The following LINGO2 variants were observed in gnomAD, a reference collection of about 807,000 sequenced individuals.
The protein encoded by LINGO2 is leucine rich repeat and Ig domain containing 2.
LINGO2 carries 14 observed loss-of-function variants against 30.6 expected under a neutral mutation model. That is an observed-to-expected ratio of 0.46 (90% CI 0.30 to 0.72). The LOEUF (loss-of-function observed/expected upper bound fraction) is 0.72, where lower values mean the gene tolerates loss of function less well. Ranked by LOEUF, LINGO2 falls within the 30% of genes least tolerant of loss-of-function variation. The pLI is 0.07. For missense variants in LINGO2, 729 were observed against 751.7 expected, an observed-to-expected ratio of 0.97 and a Z score of 0.35; for synonymous variants, 317 against 288.5, an observed-to-expected ratio of 1.10 and a Z score of -1.00.
the LINGO2 span, among the ~76,000 whole-genome samples, chr9:29,050,315 C>T: frequency 1.8e-4 from 27 of 151,030 alleles, no homozygotes; most frequent in South Asian, 5.3e-3. Context: ...GTAGCCACCA[C>T]GCCCAGCCTT....
intron 4 of LINGO2, among the ~76,000 whole-genome samples, chr9:28,178,885 T>C (rs757301372): frequency 1.2e-4 from 18 of 152,146 alleles, no homozygotes; most frequent in Non-Finnish European, 2.2e-4. Context: ...AGCTTCTTTC[T>C]AAGTGGGAAA....
intron 4 of LINGO2, among the ~76,000 whole-genome samples, chr9:28,023,355 A>G (rs1823226780): frequency 6.6e-6 from 1 of 152,190 alleles, no homozygotes; most frequent in Admixed American, 6.5e-5. Context: ...TGGGTACCCT[A>G]ATAGAGGAAT....
At chr9:28,278,773 C>A (rs1201541509) in intron 4 of LINGO2, among the ~76,000 whole-genome samples, 2 of 152,128 alleles carry the variant, frequency 1.3e-5, no homozygotes, top group Non-Finnish European at 2.9e-5. Flanking sequence ...CATTCTGCAG[C>A]CCATGAATCA....
chr9:28,092,575 A>T (rs985235389), intron 4 of LINGO2, among the ~76,000 whole-genome samples: 1 of 151,474 alleles, frequency 6.6e-6, no homozygotes, highest in African/African-American at 2.4e-5. Context: ...GAGGGATAGC[A>T]TTAAGAGATA....
the LINGO2 span, among the ~76,000 whole-genome samples, chr9:29,161,737 T>C: frequency 1.3e-5 from 2 of 152,132 alleles, no homozygotes; most frequent in African/African-American, 2.4e-5. Flanking sequence ...ATACTAATCA[T>C]AGAAAACTAG....
the LINGO2 span, among the ~76,000 whole-genome samples, chr9:28,952,126 C>T: frequency 1.6e-4 from 24 of 152,070 alleles, no homozygotes; most frequent in African/African-American, 4.3e-4. Flanking sequence ...TGGAGACCCA[C>T]AACAGTAGGT....
chr9:29,085,281 TA>T, the LINGO2 span, among the ~76,000 whole-genome samples: 373 of 76,816 alleles, frequency 4.9e-3, 2 homozygotes, highest in African/African-American at 0.016. Flanking sequence ...CTATGGTAAG[TA>T]AAAAAAAAAA....
the LINGO2 span, among the ~76,000 whole-genome samples, chr9:29,069,210 C>G: frequency 6.6e-6 from 1 of 151,854 alleles, no homozygotes; most frequent in South Asian, 2.1e-4. Context: ...CTCCAGAAGA[C>G]AGAACTAATA....
intron 5 of LINGO2, among the ~76,000 whole-genome samples, chr9:27,995,617 A>C (rs1438144318): frequency 6.6e-6 from 1 of 152,216 alleles, no homozygotes; most frequent in Non-Finnish European, 1.5e-5. Flanking sequence ...TGATTATTTG[A>C]TGATCTCAAT....
At chr9:28,197,937 T>G (rs1054305094) in intron 4 of LINGO2, among the ~76,000 whole-genome samples, 8 of 152,030 alleles carry the variant, frequency 5.3e-5, no homozygotes, top group Admixed American at 6.5e-5. Flanking sequence ...AGTGCCATTT[T>G]TTTGACACAC....
intron 1 of LINGO2, among the ~76,000 whole-genome samples, chr9:28,637,732 G>A (rs891759899): frequency 6.6e-6 from 1 of 152,098 alleles, no homozygotes; most frequent in Non-Finnish European, 1.5e-5. Context: ...CTGAGACAAT[G>A]GGGTTTTCTA....
At chr9:28,201,233 C>A (rs1333698188) in intron 4 of LINGO2, among the ~76,000 whole-genome samples, 4 of 145,354 alleles carry the variant, frequency 2.8e-5, no homozygotes, top group African/African-American at 7.7e-5. Context: ...CCCCCTCCCC[C>A]CAACCCCACC....
the LINGO2 span, among the ~76,000 whole-genome samples, chr9:28,944,011 C>T: frequency 1.3e-5 from 2 of 152,296 alleles, no homozygotes; most frequent in Middle Eastern, 6.8e-3. Context: ...ACAGCAATAA[C>T]TAAACAAGTA....
At chr9:28,550,956 G>A (rs1822248696) in intron 1 of LINGO2, among the ~76,000 whole-genome samples, 1 of 151,740 alleles carries the variant, frequency 6.6e-6, no homozygotes, top group African/African-American at 2.4e-5. Context: ...AGTTACTTAT[G>A]AGAGAAAGAA....
the LINGO2 span, among the ~76,000 whole-genome samples, chr9:28,783,584 C>T: frequency 6.6e-6 from 1 of 152,140 alleles, no homozygotes; most frequent in Non-Finnish European, 1.5e-5. Context: ...ACACAAACCC[C>T]AGTGCCAATA....
At chr9:29,125,019 A>C in the LINGO2 span, among the ~76,000 whole-genome samples, 1 of 152,180 alleles carries the variant, frequency 6.6e-6, no homozygotes, top group Admixed American at 6.5e-5. Flanking sequence ...CCAAATATCC[A>C]TCAATGATAG....
chr9:28,756,405 C>T, the LINGO2 span, among the ~76,000 whole-genome samples: 2 of 151,948 alleles, frequency 1.3e-5, no homozygotes, highest in Admixed American at 6.6e-5. Flanking sequence ...GCAAAAGGGA[C>T]TTGCCTTGTC....
upstream of LINGO2, among the ~76,000 whole-genome samples, chr9:28,674,621 T>C (rs1042706727): frequency 6.6e-6 from 1 of 152,182 alleles, no homozygotes; most frequent in African/African-American, 2.4e-5. Context: ...GGGAGAATAC[T>C]TTTCCAGAGA....
intron 4 of LINGO2, among the ~76,000 whole-genome samples, chr9:28,239,430 C>G (rs1020240202): frequency 6.6e-6 from 1 of 152,006 alleles, no homozygotes; most frequent in Non-Finnish European, 1.5e-5. Context: ...TTAAAAATAT[C>G]ATTCATCATG....
Sources: gnomAD v4.1 joint callset for allele counts (sites outside exome capture counted in the v4.1 genomes callset) on GRCh38, gnomAD v4.1.1 for gene constraint, MANE v1.5 for transcripts, NCBI Gene and HGNC (gene_info 2026-07-23, HGNC 2026-07-21) for gene names.